The following TSPAN16 variants were observed in gnomAD, a reference collection of about 807,000 sequenced individuals.
TSPAN16 encodes the protein tetraspanin 16.
A neutral mutation model predicts 25.2 loss-of-function variants in TSPAN16; 23 were observed. That is an observed-to-expected ratio of 0.91 (90% confidence interval 0.66 to 1.29). The LOEUF is 1.29. TSPAN16 is among the 50% of genes most tolerant of loss of function. The pLI is 0.00. For synonymous variants in TSPAN16, 123 were observed against 124.4 expected (o/e 0.99, Z 0.08); for missense variants, 272 against 299.9 (o/e 0.91, Z 0.69).
At chr19:11,320,147 G>C (rs2080769902), downstream of TSPAN16, among the ~76,000 whole-genome samples, 1 of 77,448 alleles carries the variant, frequency 1.3e-5, no homozygotes, top group South Asian at 3.6e-4. Flanking sequence ...TTGAGACGGA[G>C]TTTCTCTCTT....
intron 6 of TSPAN16, among the ~76,000 whole-genome samples, chr19:11,314,390 G>A (rs189194077): frequency 2.6e-4 from 40 of 152,162 alleles, no homozygotes; most frequent in Middle Eastern, 3.4e-3. Context: ...CATGCCCCTG[G>A]TTGCCCAAGA....
At chr19:11,326,303 C>T (rs2080812625) in intron 6 of TSPAN16, among the ~76,000 whole-genome samples, 1 of 151,858 alleles carries the variant, frequency 6.6e-6, no homozygotes, top group South Asian at 2.1e-4. Context: ...ATGGTTTGAG[C>T]CCAGGAGGTC....
At chr19:11,304,394 G>C (rs1205174278) in intron 4 of TSPAN16, among the ~76,000 whole-genome samples, 1 of 151,600 alleles carries the variant, frequency 6.6e-6, no homozygotes, top group Non-Finnish European at 1.5e-5. Flanking sequence ...TCAGGCTGGA[G>C]TTCAGTGGCG....
intron 5 of TSPAN16, among the ~76,000 whole-genome samples, chr19:11,309,519 C>T (rs1176915229): frequency 6.6e-6 from 1 of 152,258 alleles, no homozygotes. Context: ...CTGGAGTGCT[C>T]TTCCTTCACG....
intron 6 of TSPAN16, among the ~76,000 whole-genome samples, chr19:11,313,526 C>CAAA (rs59048434): frequency 2.9e-4 from 34 of 118,576 alleles, no homozygotes; most frequent in Middle Eastern, 4.4e-3. Context: ...GACTCTGTCT[C>CAAA]AAAAAAAAAA....
chr19:11,307,199 A>C (rs2080638414), intron 5 of TSPAN16, among the ~76,000 whole-genome samples: 1 of 152,024 alleles, frequency 6.6e-6, no homozygotes. Context: ...GGCTCACTGC[A>C]ACCTCCGCCT....
chr19:11,305,304 T>C (rs1039550950), intron 4 of TSPAN16, among the ~76,000 whole-genome samples: 1 of 151,864 alleles, frequency 6.6e-6, no homozygotes, highest in Non-Finnish European at 1.5e-5. Context: ...CTGAGGCAGG[T>C]GGATCACCTG....
At chr19:11,309,534 C>T (rs1040022928) in intron 5 of TSPAN16, among the ~76,000 whole-genome samples, 8 of 152,262 alleles carry the variant, frequency 5.3e-5, no homozygotes, top group African/African-American at 1.7e-4. Context: ...TTCACGTCTT[C>T]CTACCTCTCA....
At chr19:11,318,574 T>C (rs2080761023), downstream of TSPAN16, among the ~76,000 whole-genome samples, 1 of 152,170 alleles carries the variant, frequency 6.6e-6, no homozygotes, top group South Asian at 2.1e-4. Context: ...ACTCAGGGGT[T>C]CATTCAATGA....
At chr19:11,313,297 AG>A (rs2080712527) in intron 6 of TSPAN16, among the ~76,000 whole-genome samples, 1 of 152,102 alleles carries the variant, frequency 6.6e-6, no homozygotes, top group African/African-American at 2.4e-5. Flanking sequence ...GCGGCTCACG[AG>A]GTGAAGAGAT....
chr19:11,318,031 A>T (rs1375142489), downstream of TSPAN16, among the ~76,000 whole-genome samples: 1 of 151,310 alleles, frequency 6.6e-6, no homozygotes, highest in Non-Finnish European at 1.5e-5. Context: ...TTTTATTATT[A>T]TTATTATTTT....
intron 6 of TSPAN16, among the ~76,000 whole-genome samples, chr19:11,315,417 C>A (rs868306896): frequency 6.6e-6 from 1 of 150,442 alleles, no homozygotes; most frequent in African/African-American, 2.4e-5. Flanking sequence ...ATTAGCCAGG[C>A]GTGGTGGCGG....
At chr19:11,297,423 A>C (rs923691479) in intron 1 of TSPAN16, among the ~76,000 whole-genome samples, 16 of 152,226 alleles carry the variant, frequency 1.1e-4, no homozygotes, top group Non-Finnish European at 1.8e-4. Context: ...TAAGTCCTGC[A>C]GAGGCCACAA....
intron 5 of TSPAN16, among the ~76,000 whole-genome samples, chr19:11,309,839 G>A (rs910315454): frequency 1.3e-5 from 2 of 152,194 alleles, no homozygotes; most frequent in African/African-American, 4.8e-5. Flanking sequence ...GATGGCTCAT[G>A]CCTGTAATCC....
chr19:11,322,623 C>G (rs1374494474), intron 6 of TSPAN16: 2 of 152,180 alleles, frequency 1.3e-5, no homozygotes, highest in Admixed American at 1.3e-4. Context: ...TCCAATTAAA[C>G]CTCACCCCCC....
chr19:11,325,435 T>C, intron 6 of TSPAN16: 1 of 1,605,752 alleles, frequency 6.2e-7, no homozygotes, highest in Non-Finnish European at 8.5e-7. Flanking sequence ...GGCTGGAGCA[T>C]CCCCCACGGC....
intron 6 of TSPAN16, among the ~76,000 whole-genome samples, chr19:11,326,098 T>C (rs563079967): frequency 6.6e-6 from 1 of 152,038 alleles, no homozygotes; most frequent in Non-Finnish European, 1.5e-5. Flanking sequence ...GGCACGCGTC[T>C]GTAATCCCAG....
At chr19:11,318,455 C>T (rs139829060), downstream of TSPAN16, among the ~76,000 whole-genome samples, 740 of 141,608 alleles carry the variant, frequency 5.2e-3, 9 homozygotes, top group Admixed American at 0.025. Flanking sequence ...CCACTGCGCC[C>T]GGCCAGATCC....
At chr19:11,299,894 T>A (rs1364897360) in intron 3 of TSPAN16, among the ~76,000 whole-genome samples, 1 of 151,360 alleles carries the variant, frequency 6.6e-6, no homozygotes, top group Non-Finnish European at 1.5e-5. Context: ...GGAGAATCAC[T>A]TGAACCCGGG....
Sources: allele counts gnomAD v4.1 joint callset (sites outside exome capture counted in the v4.1 genomes callset), GRCh38; gene constraint gnomAD v4.1.1; transcripts MANE v1.5; gene names NCBI Gene and HGNC (gene_info 2026-07-23, HGNC 2026-07-21).